The following SNTB1 variants were observed in gnomAD, a reference collection of about 807,000 sequenced individuals.
SNTB1 encodes the protein beta-1-syntrophin.
In SNTB1, 36 loss-of-function variants were observed where a neutral mutation model predicts 48.9. The observed-to-expected ratio is 0.74, with a 90% CI of 0.56 to 0.97. SNTB1 has a LOEUF of 0.97. Ranked by LOEUF, SNTB1 falls within the 50% of genes least tolerant of loss-of-function variation. The pLI is 0.00. For synonymous variants in SNTB1, 299 were observed against 294.6 expected (o/e 1.01, Z -0.15); for missense variants, 786 against 703.4 (o/e 1.12, Z -1.33).
At chr8:120,617,848 G>A (rs954330842) in intron 3 of SNTB1, among the ~76,000 whole-genome samples, 4 of 152,198 alleles carry the variant, frequency 2.6e-5, no homozygotes, top group African/African-American at 4.8e-5. Flanking sequence ...CCATGTGACT[G>A]TAAAGTAGAT....
intron 1 of SNTB1, among the ~76,000 whole-genome samples, chr8:120,807,241 C>A (rs565473317): frequency 6.6e-6 from 1 of 152,304 alleles, no homozygotes; most frequent in East Asian, 1.9e-4. Flanking sequence ...AAAAAGTCGA[C>A]CTATTTCAAA....
At position 120,811,320 on chromosome 8, in the gene SNTB1, T is replaced by A. The variant is rs549752541; in HGVS notation, c.524A>T (p.Glu175Val). The A allele has an allele frequency of 3.2e-5, 51 of 1,610,748 alleles. 1 individual carries two copies. In the South Asian group the frequency reaches 5.5e-4, roughly 17 times the overall value. The stretch of plus-strand genomic sequence containing the variant: ...CGCGCGCTTCAACGCCTGCACCGCC[T>A]CGTCGTGGGTGGCGTCCCGCAGGTC... ...GADLRDATHD[E>V]AVQALKRAGK... The change falls in exon 1 of 7, where the codon GAG becomes GTG. Residue 175 changes from glutamate to valine, a missense_variant. By Grantham distance (121) the Glu-to-Val change is moderately radical. Transcript: ENST00000517992.
chr8:120,655,534 A>G (rs1587067218), intron 2 of SNTB1, among the ~76,000 whole-genome samples: 1 of 152,196 alleles, frequency 6.6e-6, no homozygotes, highest in Non-Finnish European at 1.5e-5. Context: ...GCCTCTTCCC[A>G]TTAGTAAGAG....
At chr8:120,680,778 G>T (rs1587084610) in intron 2 of SNTB1, among the ~76,000 whole-genome samples, 1 of 152,266 alleles carries the variant, frequency 6.6e-6, no homozygotes, top group African/African-American at 2.4e-5. Flanking sequence ...AAGAACAAAG[G>T]ATCAAGACCT....
At chr8:120,605,744 G>T (rs1293233250) in intron 3 of SNTB1, among the ~76,000 whole-genome samples, 1 of 152,150 alleles carries the variant, frequency 6.6e-6, no homozygotes, top group Non-Finnish European at 1.5e-5. Flanking sequence ...TTAGTGTGAG[G>T]TTGCGCTCTG....
At chr8:120,560,304 G>A (rs922238881) in intron 4 of SNTB1, among the ~76,000 whole-genome samples, 9 of 152,092 alleles carry the variant, frequency 5.9e-5, no homozygotes, top group African/African-American at 9.7e-5. Context: ...CCAACATGGC[G>A]AAACCCTGTC....
intron 2 of SNTB1, among the ~76,000 whole-genome samples, chr8:120,677,880 G>A (rs935872725): frequency 6.6e-6 from 1 of 152,188 alleles, no homozygotes; most frequent in African/African-American, 2.4e-5. Flanking sequence ...AACGGATTTG[G>A]TAAAAAATAT....
chr8:120,544,906 C>T (rs1815351785), intron 5 of SNTB1, among the ~76,000 whole-genome samples: 1 of 149,790 alleles, frequency 6.7e-6, no homozygotes, highest in South Asian at 2.1e-4. Flanking sequence ...TAATTAGTTT[C>T]AGGATAATTA....
intron 3 of SNTB1, among the ~76,000 whole-genome samples, chr8:120,580,510 C>T (rs1234257677): frequency 6.6e-6 from 1 of 152,184 alleles, no homozygotes; most frequent in Non-Finnish European, 1.5e-5. Flanking sequence ...CCTCAAGACA[C>T]TGTTTCCCCC....
At chr8:120,583,514 AACACACACACAC>A (rs10524445) in intron 3 of SNTB1, among the ~76,000 whole-genome samples, 22,734 of 142,864 alleles carry the variant, frequency 0.16, 2,233 homozygotes, top group South Asian at 0.25. Flanking sequence ...TCCGTCTCAA[AACACACACACAC>A]ACACACACAC....
chr8:120,739,906 AT>A (rs1441775448), intron 1 of SNTB1, among the ~76,000 whole-genome samples: 1 of 152,192 alleles, frequency 6.6e-6, no homozygotes, highest in Non-Finnish European at 1.5e-5. Context: ...CATGTGACAT[AT>A]TCAAATTACA....
At chr8:120,615,137 G>A (rs574180754) in intron 3 of SNTB1, among the ~76,000 whole-genome samples, 4 of 152,182 alleles carry the variant, frequency 2.6e-5, no homozygotes, top group Non-Finnish European at 4.4e-5. Context: ...GTGACAGAGC[G>A]AGACTACATC....
At chr8:120,540,001 A>G (rs1815258596) in intron 6 of SNTB1, among the ~76,000 whole-genome samples, 1 of 152,236 alleles carries the variant, frequency 6.6e-6, no homozygotes, top group African/African-American at 2.4e-5. Context: ...AGTCTGTCTA[A>G]TGCCAGAGCC....
chr8:120,799,973 A>G (rs1820195066), intron 1 of SNTB1, among the ~76,000 whole-genome samples: 1 of 152,104 alleles, frequency 6.6e-6, no homozygotes, highest in African/African-American at 2.4e-5. Context: ...TTTTTGAAAA[A>G]TCACAGCTAC....
chr8:120,540,793 G>A (rs1272882122), intron 6 of SNTB1, among the ~76,000 whole-genome samples: 7 of 152,164 alleles, frequency 4.6e-5, no homozygotes, highest in African/African-American at 1.7e-4. Flanking sequence ...GGCCTCCATC[G>A]TGGCTGCCTG....
At chr8:120,787,652 C>T (rs1036311562) in intron 1 of SNTB1, among the ~76,000 whole-genome samples, 1 of 151,948 alleles carries the variant, frequency 6.6e-6, no homozygotes, top group African/African-American at 2.4e-5. Context: ...GAGGACAAGG[C>T]TTTTGAATTA....
At chr8:120,773,527 A>C (rs1819677034) in intron 1 of SNTB1, among the ~76,000 whole-genome samples, 1 of 152,198 alleles carries the variant, frequency 6.6e-6, no homozygotes, top group South Asian at 2.1e-4. Context: ...GAACATTTAC[A>C]CTGTGTTCCA....
chr8:120,788,282 G>A (rs1005849090), intron 1 of SNTB1, among the ~76,000 whole-genome samples: 1 of 152,030 alleles, frequency 6.6e-6, no homozygotes, highest in African/African-American at 2.4e-5. Flanking sequence ...ACTCCTGAAA[G>A]CTTAAAATTA....
At chr8:120,735,178 A>C (rs1818923161) in intron 1 of SNTB1, among the ~76,000 whole-genome samples, 1 of 152,196 alleles carries the variant, frequency 6.6e-6, no homozygotes, top group African/African-American at 2.4e-5. Context: ...CAAAGTTTAC[A>C]CAAACCCCAA....
Sources: allele counts gnomAD v4.1 joint callset (sites outside exome capture counted in the v4.1 genomes callset), GRCh38; gene constraint gnomAD v4.1.1; transcripts MANE v1.5; gene names NCBI Gene and HGNC (gene_info 2026-07-23, HGNC 2026-07-21).